The following ORC4 variants were observed in gnomAD, a reference collection of about 807,000 sequenced individuals.
ORC4 encodes origin recognition complex, subunit 4 homolog.
ORC4 carries 55 observed loss-of-function variants against 63.9 expected under a neutral mutation model. That is an observed-to-expected ratio of 0.86 (90% CI 0.69 to 1.08). The LOEUF (loss-of-function observed/expected upper bound fraction) is 1.08, where lower values mean the gene tolerates loss of function less well. ORC4 is among the 50% of genes least tolerant of loss of function. The pLI is 0.00. For missense variants in ORC4, 511 were observed against 504.4 expected, an observed-to-expected ratio of 1.01 and a Z score of -0.13; for synonymous variants, 150 against 168.5, an observed-to-expected ratio of 0.89 and a Z score of 0.85.
intron 4 of ORC4, among the ~76,000 whole-genome samples, chr2:147,968,826 G>C (rs1690045892): frequency 6.6e-6 from 1 of 151,816 alleles, no homozygotes; most frequent in African/African-American, 2.4e-5. Flanking sequence ...AGAGACATCT[G>C]CAGCCCGTAT....
chr2:147,941,095 C>T (rs1376243751), intron 10 of ORC4, among the ~76,000 whole-genome samples: 1 of 152,106 alleles, frequency 6.6e-6, no homozygotes, highest in African/African-American at 2.4e-5. Flanking sequence ...GAGTAATTTT[C>T]AACTTTTATA....
intron 1 of ORC4, among the ~76,000 whole-genome samples, chr2:148,001,136 T>C (rs1232772344): frequency 6.6e-6 from 1 of 152,140 alleles, no homozygotes; most frequent in Non-Finnish European, 1.5e-5. Flanking sequence ...GGCCCAATCA[T>C]TTCGTTGCAC....
rs1386862194 is a variant in ORC4, at chr2:147,935,560, A to G, written c.1261T>C (p.Cys421Arg). 3 of 1,613,904 alleles carry G rather than the reference A, an allele frequency of 1.9e-6. No individual in the cohort carries two copies. Among genetic ancestry groups the G allele is most frequent in the African/African-American group, 1.3e-5 (1 of 75,042 alleles). Reference protein sequence around the residue: ...IMNALQKYPNCPTDVRQWATS... With the variant: ...IMNALQKYPNRPTDVRQWATS... ...GCCCACTGCCTCACATCTGTAGGAC[A>G]GTTGGGATATTTCTGCAGAGCATTC... The change falls in exon 14 of 14, where the codon TGT becomes CGT. Residue 421 changes from cysteine (C) to arginine (R), a missense_variant. Physicochemically the swap from Cys to Arg is radical, Grantham distance 180. Transcript: ENST00000392857.
intron 1 of ORC4, among the ~76,000 whole-genome samples, chr2:148,008,879 T>A (rs572926623): frequency 6.6e-6 from 1 of 152,240 alleles, no homozygotes; most frequent in South Asian, 2.1e-4. Flanking sequence ...TTGCTGAATA[T>A]TAAAAAGAAA....
In ORC4 at chr2:147,982,028, G is replaced by A. The variant is rs572075320; in HGVS notation, c.-17-6053C>T. The A allele has an allele frequency of 1.2e-4, 18 of 152,274 alleles. No individual in the cohort carries two copies. The South Asian group carries it at 1.9e-3, about 16-fold the overall frequency. The allele number at this position is 152,274 out of a possible 1,614,324, so 9.4% of individuals were successfully genotyped here. A position where few individuals can be genotyped will look rare whatever the true frequency, so the allele number is the denominator to read the frequency against. On this transcript the variant is annotated intron_variant, in intron 1 of 13. Transcript: ENST00000392857. ...AGCAAATCTGTGTCCTCCTTAATGT[G>A]TAAGCCAGGTAGCTAAGGCCTCAGC... is the stretch of plus-strand genomic sequence containing the variant.
In ORC4 at chr2:147,931,070, T is replaced by C. The variant is rs537347378; in HGVS notation, c.*4440A>G. On this transcript the variant is annotated 3_prime_UTR_variant, in exon 14 of 14. Transcript: ENST00000392857. Reference sequence around the variant, plus strand: ...CCCTTCCTGTGTCCATGTGATCTCATTGTTCAATTCCCACCTATGAGTGAG... The same window carrying C: ...CCCTTCCTGTGTCCATGTGATCTCACTGTTCAATTCCCACCTATGAGTGAG... The C allele has an allele frequency of 9.8e-5, 14 of 143,352 alleles. No homozygotes were observed. The South Asian group carries it at 1.7e-3, about 17-fold the overall frequency. The allele number at this position is 143,352 out of a possible 1,614,324, so 8.9% of individuals were successfully genotyped here.
At chr2:147,970,589 T>C (rs115429346) in intron 4 of ORC4, among the ~76,000 whole-genome samples, 1,881 of 149,694 alleles carry the variant, frequency 0.013, 44 homozygotes, top group African/African-American at 0.044. Flanking sequence ...TAAAAGATAG[T>C]CTTTCTCCAA....
chr2:147,989,228 T>C (rs1691419606), intron 1 of ORC4, among the ~76,000 whole-genome samples: 1 of 152,056 alleles, frequency 6.6e-6, no homozygotes, highest in African/African-American at 2.4e-5. Flanking sequence ...ACCAAGAATC[T>C]ACATTAAAAT....
chr2:147,999,231 T>C (rs960520247), intron 1 of ORC4, among the ~76,000 whole-genome samples: 1 of 152,278 alleles, frequency 6.6e-6, no homozygotes, highest in South Asian at 2.1e-4. Flanking sequence ...GCTTATTTTC[T>C]ACACAGGGTA....
intron 4 of ORC4, among the ~76,000 whole-genome samples, chr2:147,961,645 A>G (rs746088418): frequency 6.6e-6 from 1 of 152,174 alleles, no homozygotes; most frequent in African/African-American, 2.4e-5. Context: ...ATATGAAACT[A>G]TATCAAAATG....
At position 147,949,049 on chromosome 2, in the gene ORC4, A is replaced by G. The variant is rs917079021; in HGVS notation, c.589-825T>C. ...ATTATATATGTATATATACATCTAT[A>G]TATATACAGTATAGTATAATATATA... On this transcript the variant is annotated intron_variant, in intron 8 of 13. Coordinates refer to ENST00000392857, the MANE Select transcript of ORC4 (RefSeq NM_181741.4). Among the ~76,000 whole-genome samples the G allele has an allele frequency of 2.2e-5, 3 of 136,192 alleles. No homozygotes were observed. In the South Asian group the frequency reaches 6.6e-4, roughly 30 times the overall value. 89.3% of individuals were successfully genotyped at this position (136,192 alleles called of 152,430 possible). A position where few individuals can be genotyped will look rare whatever the true frequency, so the allele number is the denominator to read the frequency against.
chr2:147,985,399 T>C (rs943195879), intron 1 of ORC4, among the ~76,000 whole-genome samples: 20 of 152,308 alleles, frequency 1.3e-4, no homozygotes, highest in Admixed American at 1.3e-3. Context: ...GGTTTCACCA[T>C]GTTAGCCAGG....
At chr2:148,018,892 C>T (rs1693483366) in intron 1 of ORC4, among the ~76,000 whole-genome samples, 1 of 152,196 alleles carries the variant, frequency 6.6e-6, no homozygotes, top group South Asian at 2.1e-4. Flanking sequence ...GTGCCACAGA[C>T]GTTCTAGTTC....
intron 11 of ORC4, 46 bp downstream of exon 11, chr2:147,939,094 C>G (rs1198874891): frequency 8.9e-7 from 1 of 1,128,766 alleles, no homozygotes; most frequent in Non-Finnish European, 1.4e-6. Flanking sequence ...TATCTAAATT[C>G]AAAGTTTTAA....
intron 1 of ORC4, among the ~76,000 whole-genome samples, chr2:148,018,972 T>C (rs1012990228): frequency 1.1e-4 from 17 of 152,156 alleles, no homozygotes; most frequent in Non-Finnish European, 7.4e-5. Context: ...TCGATGTTTG[T>C]ATGCTTAAAT....
chr2:147,973,508 C>G lies in ORC4; in HGVS notation c.74G>C (p.Arg25Pro). 3.8e-6 allele frequency: 6 copies of G among 1,594,502 alleles called. No homozygotes were observed. The highest frequency in any genetic ancestry group is 5.2e-6 in the Non-Finnish European group (6 of 1,163,726). ...ECLSQVQRIL[R>P]ERFCRQSPHS... Reference sequence around the variant, plus strand: ...TGGACTCTGACGACAAAATCTTTCACGTAAAATTCTTTGTACCTGATGAAA... The same window carrying G: ...TGGACTCTGACGACAAAATCTTTCAGGTAAAATTCTTTGTACCTGATGAAA... The change falls in exon 3 of 14, where the codon CGT (arginine) becomes CCT (proline). Residue 25 changes from arginine (R) to proline (P), a missense_variant. Coordinates refer to ENST00000392857, the MANE Select transcript of ORC4 (RefSeq NM_181741.4).
At chr2:148,018,420 T>C (rs995807259) in intron 1 of ORC4, among the ~76,000 whole-genome samples, 10 of 152,212 alleles carry the variant, frequency 6.6e-5, no homozygotes, top group Non-Finnish European at 1.0e-4. Context: ...TAAACATACG[T>C]ACTCTACAAA....
At position 147,943,429 on chromosome 2, in the gene ORC4, T is replaced by C. The variant is rs1181446915; in HGVS notation, c.849+7A>G. 2.6e-6 allele frequency: 4 copies of C among 1,563,734 alleles called. No individual in the cohort carries two copies. Among genetic ancestry groups the C allele is most frequent in the Non-Finnish European group, 3.5e-6 (4 of 1,135,388 alleles). ...GCAACAAGCAATAAAACAAAACTAA[T>C]ACAAACCAATAGCATGTGTAATGAC... On this transcript the variant is annotated splice_region_variant and intron_variant, in intron 10 of 13. Transcript: ENST00000392857.
At chr2:147,998,456 T>C (rs1160589078) in intron 1 of ORC4, among the ~76,000 whole-genome samples, 1 of 152,172 alleles carries the variant, frequency 6.6e-6, no homozygotes, top group African/African-American at 2.4e-5. Context: ...CTGGATTAGT[T>C]CTCTGGCGAA....
Sources: allele counts gnomAD v4.1 joint callset (sites outside exome capture counted in the v4.1 genomes callset), GRCh38; gene constraint gnomAD v4.1.1; transcripts MANE v1.5; gene names NCBI Gene and HGNC (gene_info 2026-07-23, HGNC 2026-07-21).